GRK1: variants seen among roughly 807,000 people sequenced by gnomAD.
The protein encoded by GRK1 is G protein-coupled receptor kinase 1.
GRK1 carries 28 observed loss-of-function variants against 41.7 expected under a neutral mutation model. The observed-to-expected ratio is 0.67, with a 90% CI of 0.50 to 0.92. The LOEUF (loss-of-function observed/expected upper bound fraction) is 0.92, where lower values mean the gene tolerates loss of function less well. Among genes scored for constraint, GRK1 ranks in the 40% least tolerant of loss-of-function variants. The probability of loss-of-function intolerance (pLI) is 0.00; values close to 1 mark genes in which losing one functional copy is unlikely to be tolerated. For missense variants in GRK1, 703 were observed against 671.2 expected, an observed-to-expected ratio of 1.05 and a Z score of -0.52; for synonymous variants, 327 against 286.7, an observed-to-expected ratio of 1.14 and a Z score of -1.42.
rs545482999 is a variant in GRK1 at position 113,733,476 on chromosome 13, A to C, written c.1396+391A>C. ...CTTGCTTGACAAGTGGATGCGGAAG[A>C]TACTATGTGCGCGCGTGTGTGTATG... On this transcript the variant is annotated intron_variant, in intron 6 of 6. Coordinates refer to ENST00000335678, the MANE Select transcript of GRK1 (RefSeq NM_002929.3). Among the ~76,000 whole-genome samples, 10 of 145,954 alleles carry C rather than the reference A, an allele frequency of 6.9e-5. 1 individual carries two copies. Among genetic ancestry groups the C allele is most frequent in the African/African-American group, 2.3e-4 (9 of 39,746 alleles).
At chr13:113,672,284 T>C (rs891703347) in intron 3 of GRK1, among the ~76,000 whole-genome samples, 50 of 150,286 alleles carry the variant, frequency 3.3e-4, no homozygotes, top group Non-Finnish European at 6.7e-4. Flanking sequence ...GTGCGGTGTG[T>C]GTAAGTCTGA....
chr13:113,651,447 C>T, the GRK1 span, among the ~76,000 whole-genome samples: 13,746 of 152,276 alleles, frequency 0.09, 2,039 homozygotes, highest in African/African-American at 0.31. Flanking sequence ...TCAGATGCTT[C>T]TGGAAGCCAA....
Position 113,731,945 on chromosome 13 carries a change from A to C in GRK1, c.1194+602A>C, listed in dbSNP as rs966395611. Reference sequence around the variant, plus strand: ...CTGCTCTGAATGTCCCGGAGTGTGGACACCTAGTGGGGCTGCTGGGTCTCC... The same window carrying C: ...CTGCTCTGAATGTCCCGGAGTGTGGCCACCTAGTGGGGCTGCTGGGTCTCC... On this transcript the variant is annotated intron_variant, in intron 5 of 6. Transcript: ENST00000335678. The surrounding 1 kb of genome is among the most constrained non-coding windows in gnomAD (Gnocchi z 5.6). 6.6e-6 allele frequency among the ~76,000 whole-genome samples: 1 copy of C among 152,152 alleles called. No homozygotes were observed. Among genetic ancestry groups the C allele is most frequent in the Non-Finnish European group, 1.5e-5 (1 of 68,016 alleles).
intron 2 of GRK1, 84 bp downstream of exon 2, chr13:113,669,898 C>G: frequency 6.5e-7 from 1 of 1,541,836 alleles, no homozygotes; most frequent in Non-Finnish European, 8.8e-7. Flanking sequence ...TTTCCACAGG[C>G]AGAGCCATGG....
chr13:113,672,378 G>A (rs1264402332), intron 3 of GRK1, among the ~76,000 whole-genome samples: 5 of 1,388 alleles, frequency 3.6e-3, no homozygotes, highest in African/African-American at 7.5e-3. Flanking sequence ...GGTGTGGTAC[G>A]TGGTATGTGT....
chr13:113,727,444 G>T (rs2049896426), intron 4 of GRK1, among the ~76,000 whole-genome samples: 1 of 151,996 alleles, frequency 6.6e-6, no homozygotes, highest in Non-Finnish European at 1.5e-5. Context: ...TGGACCGTGG[G>T]CTGTGGACAG....
the GRK1 span, among the ~76,000 whole-genome samples, chr13:113,658,524 G>A: frequency 4.6e-5 from 7 of 152,216 alleles, no homozygotes; most frequent in East Asian, 3.9e-4. Context: ...GAGCAGAGCC[G>A]GCCTGGACCC....
rs1473278767 is a variant in GRK1 at position 113,667,812 on chromosome 13, G to C, written c.426G>C (p.Gln142His). ...AKFKEGPVEI[Q>H]DGLFQPLLQA... ...TTAAGGAGGGGCCTGTGGAGATCCAGGACGGGCTCTTCCAGCCCCTGCTGC... is the reference window on the plus strand; with the variant it reads ...TTAAGGAGGGGCCTGTGGAGATCCACGACGGGCTCTTCCAGCCCCTGCTGC... Residue 142 changes from glutamine (Q) to histidine (H), a missense_variant, in exon 1 of 7, where the codon CAG becomes CAC. Physicochemically the swap from Gln to His is conservative, Grantham distance 24. Transcript: ENST00000335678. This position sits in a 1 kb window ranked among gnomAD's most constrained non-coding sequence, Gnocchi z 7.5. The C allele has an allele frequency of 6.2e-7, 1 of 1,602,440 alleles. No homozygotes were observed. The highest frequency in any genetic ancestry group is 1.3e-5 in the African/African-American group (1 of 74,510).
At chr13:113,724,141 A>G (rs2049875409) in intron 4 of GRK1, among the ~76,000 whole-genome samples, 1 of 152,000 alleles carries the variant, frequency 6.6e-6, no homozygotes, top group Admixed American at 6.5e-5. Context: ...CCCCACAGTC[A>G]AGCAGAGCGG....
chr13:113,660,549 A>T, the GRK1 span, among the ~76,000 whole-genome samples: 1 of 152,182 alleles, frequency 6.6e-6, no homozygotes. Flanking sequence ...CATCACACAA[A>T]GAACGAGGAC....
In GRK1 at chr13:113,667,732, G is replaced by C. The variant is rs1484348524; in HGVS notation, c.346G>C (p.Asp116His). Residue 116 changes from aspartate to histidine, a missense_variant, in exon 1 of 7, where the codon GAC becomes CAC. Physicochemically the swap from Asp to His is moderately conservative, Grantham distance 81 (BLOSUM62 -1). Coordinates refer to ENST00000335678, the MANE Select transcript of GRK1 (RefSeq NM_002929.3). This position sits in a 1 kb window ranked among gnomAD's most constrained non-coding sequence, Gnocchi z 7.5. The stretch of plus-strand genomic sequence containing the variant: ...CCAGACCATCCTGGCCCAGTACCTG[G>C]ACCCCCAGGCCAAACTCTTCTGCAG... Reference protein sequence around the residue: ...KAQTILAQYLDPQAKLFCSFL... With the variant: ...KAQTILAQYLHPQAKLFCSFL... 4.3e-6 allele frequency: 7 copies of C among 1,613,930 alleles called. No individual in the cohort carries two copies. Among genetic ancestry groups the C allele is most frequent in the Non-Finnish European group, 4.2e-6 (5 of 1,179,898 alleles).
the GRK1 span, among the ~76,000 whole-genome samples, chr13:113,658,953 C>T: frequency 2.6e-5 from 4 of 152,146 alleles, no homozygotes; most frequent in African/African-American, 9.7e-5. Context: ...GCATTTCTAA[C>T]AGTGCTGGTG....
At chr13:113,653,656 C>A in the GRK1 span, among the ~76,000 whole-genome samples, 1 of 152,170 alleles carries the variant, frequency 6.6e-6, no homozygotes, top group African/African-American at 2.4e-5. Flanking sequence ...ACCTGGCTGG[C>A]TGCCATGGTG....
rs1489362556 is a variant in GRK1, at chr13:113,671,043, T to C, written c.828-456T>C. 6.6e-6 allele frequency among the ~76,000 whole-genome samples: 1 copy of C among 152,240 alleles called. No homozygotes were observed. The highest frequency in any genetic ancestry group is 1.5e-5 in the Non-Finnish European group (1 of 68,042). The stretch of plus-strand genomic sequence containing the variant: ...ATTTCTTTTATTTGTTAGGTTTTGC[T>C]TCTCTGCAAAACCTGTCCGTGGAAA... On this transcript the variant is annotated intron_variant, in intron 2 of 6. Coordinates refer to ENST00000335678, the MANE Select transcript of GRK1 (RefSeq NM_002929.3). The surrounding 1 kb of genome is among the most constrained non-coding windows in gnomAD (Gnocchi z 4.1).
Position 113,667,492 on chromosome 13 carries a change from C to G in GRK1, c.106C>G (p.Leu36Val), listed in dbSNP as rs772079701. Reference protein sequence around the residue: ...SSQPSRDKKYLAKLKLPPLSK... With the variant: ...SSQPSRDKKYVAKLKLPPLSK... Reference sequence around the variant, plus strand: ...CCAACCCTCCCGGGACAAGAAGTACCTGGCCAAGCTCAAGCTGCCCCCGCT... The same window carrying G: ...CCAACCCTCCCGGGACAAGAAGTACGTGGCCAAGCTCAAGCTGCCCCCGCT... Residue 36 changes from leucine to valine, a missense_variant, in exon 1 of 7, where the codon CTG becomes GTG. Transcript: ENST00000335678. This position sits in a 1 kb window ranked among gnomAD's most constrained non-coding sequence, Gnocchi z 7.5. 4 of 1,612,334 alleles carry G rather than the reference C, an allele frequency of 2.5e-6. No homozygotes were observed. The African/African-American group carries it at 5.3e-5, about 21-fold the overall frequency.
In GRK1 at chr13:113,667,532, C is replaced by T; in HGVS notation, c.146C>T (p.Ser49Phe). 6.2e-7 allele frequency: 1 copy of T among 1,613,468 alleles called. No homozygotes were observed. Among genetic ancestry groups the T allele is most frequent in the Non-Finnish European group, 8.5e-7 (1 of 1,179,860 alleles). ...CTGCCCCCGCTGTCCAAGTGTGAGTCCCTCCGCGACAGCCTCAGCCTGGAG... is the reference window on the plus strand; with the variant it reads ...CTGCCCCCGCTGTCCAAGTGTGAGTTCCTCCGCGACAGCCTCAGCCTGGAG... ...LKLPPLSKCE[S>F]LRDSLSLEFE... The change falls in exon 1 of 7, where the codon TCC (serine) becomes TTC (phenylalanine). Residue 49 changes from serine to phenylalanine, a missense_variant. Transcript: ENST00000335678. This position sits in a 1 kb window ranked among gnomAD's most constrained non-coding sequence, Gnocchi z 7.5.
At chr13:113,660,038 A>G in the GRK1 span, among the ~76,000 whole-genome samples, 10 of 152,252 alleles carry the variant, frequency 6.6e-5, no homozygotes, top group African/African-American at 2.4e-4. Context: ...AGCTGTACAC[A>G]TGTTATCAGA....
At chr13:113,729,131 T>C (rs185492179) in intron 4 of GRK1, among the ~76,000 whole-genome samples, 1 of 152,124 alleles carries the variant, frequency 6.6e-6, no homozygotes, top group Non-Finnish European at 1.5e-5. Context: ...GGCAGAGAAC[T>C]CAGCTTCAGC....
At chr13:113,660,065 C>T in the GRK1 span, among the ~76,000 whole-genome samples, 2 of 152,210 alleles carry the variant, frequency 1.3e-5, no homozygotes, top group Admixed American at 1.3e-4. Context: ...TTCTTCTGGA[C>T]ACATACGTGT....
Sources: gnomAD v4.1 joint callset for allele counts (sites outside exome capture counted in the v4.1 genomes callset) on GRCh38, gnomAD v4.1.1 for gene constraint, Gnocchi (gnomAD v3.1) non-coding constraint, MANE v1.5 for transcripts, NCBI Gene and HGNC (gene_info 2026-07-23, HGNC 2026-07-21) for gene names.